The following LRRC4C variants were observed in gnomAD, a reference collection of about 807,000 sequenced individuals.
LRRC4C encodes the protein leucine-rich repeat-containing protein 4C.
Under a neutral mutation model 33.6 loss-of-function variants are expected in LRRC4C, and 5 were observed. That is an observed-to-expected ratio of 0.15 (90% CI 0.08 to 0.31). The LOEUF (loss-of-function observed/expected upper bound fraction) is 0.31. LRRC4C is among the 10% of genes least tolerant of loss of function. LRRC4C has a pLI of 1.00. For synonymous variants in LRRC4C, 329 were observed against 302.0 expected, an observed-to-expected ratio of 1.09 and a Z score of -0.93; for missense variants, 560 against 796.7, an observed-to-expected ratio of 0.70 and a Z score of 3.58.
Position 41,121,845 on chromosome 11 carries a change from A to C in LRRC4C, c.-495-188122T>G. Among the ~76,000 whole-genome samples, 2 of 152,146 alleles carry C rather than the reference A, an allele frequency of 1.3e-5. 1 individual carries two copies. Among genetic ancestry groups the C allele is most frequent in the Admixed American group, 1.3e-4 (2 of 15,278 alleles). On this transcript the variant is annotated intron_variant, in intron 1 of 6. Transcript: ENST00000528697. The stretch of plus-strand genomic sequence containing the variant: ...AAGGAAGCACAGATCAAGCCTAGGC[A>C]GATCAATAATTTCCAGTTCTAAACA...
At chr11:40,883,989 G>A (rs1285184105) in intron 2 of LRRC4C, among the ~76,000 whole-genome samples, 1 of 150,996 alleles carries the variant, frequency 6.6e-6, no homozygotes, top group Non-Finnish European at 1.5e-5. Flanking sequence ...GTGGTTTGCT[G>A]CACCTATCAA....
chr11:41,028,569 C>T (rs944547324), intron 1 of LRRC4C, among the ~76,000 whole-genome samples: 22 of 59,224 alleles, frequency 3.7e-4, no homozygotes, highest in African/African-American at 8.4e-4. Context: ...TTAGTATTCA[C>T]GACACACACA....
At chr11:41,319,224 T>C (rs928315129) in intron 1 of LRRC4C, among the ~76,000 whole-genome samples, 1 of 152,168 alleles carries the variant, frequency 6.6e-6, no homozygotes, top group Non-Finnish European at 1.5e-5. Context: ...CTAAGTAGTA[T>C]CAGCAGAACA....
intron 3 of LRRC4C, among the ~76,000 whole-genome samples, chr11:40,537,518 G>T (rs371611604): frequency 2.6e-5 from 4 of 152,262 alleles, no homozygotes; most frequent in Admixed American, 6.5e-5. Context: ...GACAGGTAAA[G>T]TTCCAAAACA....
At chr11:41,301,479 T>G (rs1232294328) in intron 1 of LRRC4C, among the ~76,000 whole-genome samples, 1 of 152,148 alleles carries the variant, frequency 6.6e-6, no homozygotes, top group Non-Finnish European at 1.5e-5. Context: ...TTGCAAGTTT[T>G]TCTTTTTCGT....
chr11:40,870,737 C>G (rs1223430657), intron 2 of LRRC4C, among the ~76,000 whole-genome samples: 2 of 151,994 alleles, frequency 1.3e-5, no homozygotes, highest in East Asian at 3.9e-4. Context: ...GCCTCAGGAC[C>G]CTGTGATGAT....
chr11:40,653,677 T>C (rs747776299), intron 2 of LRRC4C, among the ~76,000 whole-genome samples: 1 of 152,198 alleles, frequency 6.6e-6, no homozygotes, highest in African/African-American at 2.4e-5. Context: ...GATGATGCGA[T>C]AGAAAAGAAA....
chr11:40,385,892 A>AAATAAATAAATAAATAAAT (rs141949687), intron 3 of LRRC4C, among the ~76,000 whole-genome samples: 6 of 116,742 alleles, frequency 5.1e-5, no homozygotes, highest in African/African-American at 9.7e-5. Flanking sequence ...ATAAATAAAT[A>AAATAAATAAATAAATAAAT]AAATAAAATA....
At chr11:40,375,940 A>G (rs1380512611) in intron 3 of LRRC4C, among the ~76,000 whole-genome samples, 1 of 152,124 alleles carries the variant, frequency 6.6e-6, no homozygotes, top group Non-Finnish European at 1.5e-5. Context: ...GGGATAATAC[A>G]AGTAATTAAC....
intron 1 of LRRC4C, among the ~76,000 whole-genome samples, chr11:41,107,686 C>T (rs1437029760): frequency 1.3e-5 from 2 of 151,778 alleles, no homozygotes; most frequent in Non-Finnish European, 2.9e-5. Flanking sequence ...AACTGTAATC[C>T]CAGCACTTTG....
chr11:41,129,839 A>T (rs1476086164), intron 1 of LRRC4C, among the ~76,000 whole-genome samples: 1 of 151,830 alleles, frequency 6.6e-6, no homozygotes, highest in East Asian at 1.9e-4. Context: ...TTCTCCCCAC[A>T]TGTGTTTAAC....
intron 1 of LRRC4C, among the ~76,000 whole-genome samples, chr11:41,165,756 A>G (rs1460596583): frequency 2.6e-5 from 4 of 152,056 alleles, no homozygotes; most frequent in Non-Finnish European, 4.4e-5. Context: ...GGGGCCGGGC[A>G]TAGTGGCTCA....
intron 1 of LRRC4C, among the ~76,000 whole-genome samples, chr11:40,956,937 G>GT (rs1398948354): frequency 2.6e-5 from 4 of 151,846 alleles, no homozygotes; most frequent in Admixed American, 6.6e-5. Flanking sequence ...AGCTCAGTTT[G>GT]TTTTTTGGTT....
At chr11:40,995,036 A>G (rs1330698622) in intron 1 of LRRC4C, among the ~76,000 whole-genome samples, 1 of 152,130 alleles carries the variant, frequency 6.6e-6, no homozygotes, top group Non-Finnish European at 1.5e-5. Flanking sequence ...ATGATTTGGA[A>G]GTCTTTGTTG....
intron 2 of LRRC4C, among the ~76,000 whole-genome samples, chr11:40,663,010 GA>G (rs1943528003): frequency 6.6e-6 from 1 of 152,170 alleles, no homozygotes; most frequent in Non-Finnish European, 1.5e-5. Context: ...CCTAGAAATA[GA>G]AAATCAATAG....
chr11:40,683,233 G>A (rs959450341), intron 2 of LRRC4C, among the ~76,000 whole-genome samples: 8 of 152,146 alleles, frequency 5.3e-5, no homozygotes, highest in East Asian at 1.9e-4. Context: ...CTGGATATCC[G>A]TAAGTATAGG....
At chr11:41,279,746 C>A (rs2136920725) in intron 1 of LRRC4C, among the ~76,000 whole-genome samples, 1 of 152,186 alleles carries the variant, frequency 6.6e-6, no homozygotes, top group East Asian at 1.9e-4. Context: ...CCAACTGGCA[C>A]CTTGGATAAC....
chr11:40,870,463 G>A (rs1026118393), intron 2 of LRRC4C, among the ~76,000 whole-genome samples: 5 of 152,140 alleles, frequency 3.3e-5, no homozygotes, highest in African/African-American at 4.8e-5. Flanking sequence ...GTTGCAGGAC[G>A]TCAGGAACCC....
chr11:41,306,725 C>T (rs185284227), intron 1 of LRRC4C, among the ~76,000 whole-genome samples: 9 of 152,198 alleles, frequency 5.9e-5, no homozygotes, highest in South Asian at 4.2e-4. Flanking sequence ...CTTGGGTGGG[C>T]GGATTTGAAC....
Sources: gnomAD v4.1 joint callset for allele counts (sites outside exome capture counted in the v4.1 genomes callset) on GRCh38, gnomAD v4.1.1 for gene constraint, MANE v1.5 for transcripts, NCBI Gene and HGNC (gene_info 2026-07-23, HGNC 2026-07-21) for gene names.